The following PDE1C variants were observed in gnomAD, a reference collection of about 807,000 sequenced individuals.
PDE1C encodes the protein dual specificity calcium/calmodulin-dependent 3',5'-cyclic nucleotide phosphodiesterase 1C.
PDE1C carries 62 observed loss-of-function variants against 93.1 expected under a neutral mutation model. That is an observed-to-expected ratio of 0.67 (90% CI 0.54 to 0.82). The LOEUF (loss-of-function observed/expected upper bound fraction) is 0.82. Among genes scored for constraint, PDE1C ranks in the 40% least tolerant of loss-of-function variants. PDE1C has a pLI of 0.00. For synonymous variants in PDE1C, 325 were observed against 310.1 expected (o/e 1.05, Z -0.50); for missense variants, 742 against 884.6 (o/e 0.84, Z 2.04).
intron 2 of PDE1C, among the ~76,000 whole-genome samples, chr7:31,942,100 T>G (rs6462315): frequency 0.71 from 107,849 of 151,990 alleles, 38,462 homozygotes; most frequent in Admixed American, 0.75. Context: ...TTTTCTTTTT[T>G]CATTCGCCTC....
the PDE1C span, among the ~76,000 whole-genome samples, chr7:31,664,665 C>T: frequency 2.2e-3 from 342 of 152,260 alleles, 1 homozygote; most frequent in Admixed American, 4.1e-3. Flanking sequence ...CTTTTGCCAA[C>T]GGCACAGAAC....
intron 2 of PDE1C, among the ~76,000 whole-genome samples, chr7:32,005,584 A>AAAAAAAAAT (rs1554461626): frequency 6.7e-6 from 1 of 149,030 alleles, no homozygotes; most frequent in African/African-American, 2.5e-5. Flanking sequence ...AAAAAAAAGA[A>AAAAAAAAAT]TTGTGATCTG....
intron 2 of PDE1C, among the ~76,000 whole-genome samples, chr7:31,970,446 CA>C (rs1169493571): frequency 6.6e-6 from 1 of 152,132 alleles, no homozygotes; most frequent in African/African-American, 2.4e-5. Context: ...CTCAAAGTTT[CA>C]ATAGCATGTG....
At chr7:32,234,581 C>A (rs1170948648) in intron 1 of PDE1C, among the ~76,000 whole-genome samples, 1 of 151,930 alleles carries the variant, frequency 6.6e-6, no homozygotes, top group Non-Finnish European at 1.5e-5. Flanking sequence ...AAATAGGTAA[C>A]ATAAATTATT....
chr7:31,667,232 G>C, the PDE1C span, among the ~76,000 whole-genome samples: 2 of 152,112 alleles, frequency 1.3e-5, no homozygotes, highest in Non-Finnish European at 2.9e-5. Context: ...GATTGACTAG[G>C]TTCAGGCCCA....
chr7:32,160,836 A>G (rs943965873), intron 3 of PDE1C, among the ~76,000 whole-genome samples: 1 of 152,030 alleles, frequency 6.6e-6, no homozygotes, highest in Non-Finnish European at 1.5e-5. Context: ...ACAGGAAAGA[A>G]AAGAGAGAGA....
At chr7:31,642,997 C>T in the PDE1C span, 9 of 1,614,020 alleles carry the variant, frequency 5.6e-6, no homozygotes, top group Non-Finnish European at 7.6e-6. Flanking sequence ...TCTGTGGCAG[C>T]TTCTGCCAAT....
At chr7:31,636,063 C>G in the PDE1C span, among the ~76,000 whole-genome samples, 1 of 152,270 alleles carries the variant, frequency 6.6e-6, no homozygotes, top group East Asian at 1.9e-4. Flanking sequence ...AGAATGAGAG[C>G]TAGCAGGGGA....
chr7:31,852,702 C>T lies in PDE1C; in HGVS notation c.751-1961G>A, dbSNP rs115491431. The stretch of plus-strand genomic sequence containing the variant: ...ACAGCCAGTCATCTGACAAGCCACA[C>T]ACCACGCCTGCAGAATTCTCACTCA... On this transcript the variant is annotated intron_variant, in intron 7 of 17. Coordinates refer to ENST00000396191, the MANE Select transcript of PDE1C (RefSeq NM_001191057.4). Among the ~76,000 whole-genome samples the T allele has an allele frequency of 4.1e-3, 630 of 152,290 alleles. 4 individuals carry two copies. The highest frequency in any genetic ancestry group is 0.014 in the African/African-American group (583 of 41,550).
chr7:32,330,988 G>A (rs1783501937), intron 1 of PDE1C, among the ~76,000 whole-genome samples: 1 of 152,234 alleles, frequency 6.6e-6, no homozygotes, highest in East Asian at 1.9e-4. Flanking sequence ...TGGACTAGAA[G>A]TCAAAGCACT....
intron 3 of PDE1C, among the ~76,000 whole-genome samples, chr7:32,076,832 C>T (rs1796384579): frequency 6.6e-6 from 1 of 151,712 alleles, no homozygotes; most frequent in Non-Finnish European, 1.5e-5. Flanking sequence ...ATGTACCCCA[C>T]CAATTTTTTT....
the PDE1C span, among the ~76,000 whole-genome samples, chr7:31,705,986 ATTTTTTTTTTTTTTTTTTTTTTTT>A: frequency 5.7e-5 from 3 of 52,486 alleles, no homozygotes; most frequent in East Asian, 1.7e-3. Context: ...CAGACCAGTA[ATTTTTTTTTTTTTTTTTTTTTTTT>A]TTTTTTTTTT....
At chr7:32,106,114 C>T (rs746887153) in intron 3 of PDE1C, among the ~76,000 whole-genome samples, 9 of 152,122 alleles carry the variant, frequency 5.9e-5, no homozygotes, top group African/African-American at 1.4e-4. Context: ...TGGGCTCAAA[C>T]GATCCTCCTG....
chr7:31,741,705 A>G, the PDE1C span, among the ~76,000 whole-genome samples: 1 of 152,200 alleles, frequency 6.6e-6, no homozygotes, highest in Non-Finnish European at 1.5e-5. Context: ...AGTTACAGAC[A>G]TATTCTCCCA....
chr7:32,129,196 T>G (rs901914841), intron 3 of PDE1C, among the ~76,000 whole-genome samples: 1 of 151,130 alleles, frequency 6.6e-6, no homozygotes, highest in African/African-American at 2.4e-5. Flanking sequence ...TTGGTTGTAC[T>G]AGAGTAAAAA....
At chr7:32,028,369 T>C (rs1789776664) in intron 2 of PDE1C, among the ~76,000 whole-genome samples, 1 of 152,130 alleles carries the variant, frequency 6.6e-6, no homozygotes, top group South Asian at 2.1e-4. Flanking sequence ...TATGCTTCAT[T>C]ATTCCTACTA....
intron 2 of PDE1C, among the ~76,000 whole-genome samples, chr7:32,194,788 A>G (rs1804498564): frequency 6.6e-6 from 1 of 152,178 alleles, no homozygotes; most frequent in Admixed American, 6.5e-5. Flanking sequence ...TTGATATGTC[A>G]GGGCTTACAT....
At chr7:31,995,710 C>T (rs1320397497) in intron 2 of PDE1C, among the ~76,000 whole-genome samples, 3 of 152,244 alleles carry the variant, frequency 2.0e-5, no homozygotes, top group East Asian at 1.9e-4. Flanking sequence ...AAGAGTTTTA[C>T]AGCTACACAG....
At chr7:32,122,178 T>G (rs546456301) in intron 3 of PDE1C, among the ~76,000 whole-genome samples, 1 of 152,236 alleles carries the variant, frequency 6.6e-6, no homozygotes, top group Non-Finnish European at 1.5e-5. Flanking sequence ...CTAACTATCC[T>G]ACATATATAT....
Sources: gnomAD v4.1 joint callset for allele counts (sites outside exome capture counted in the v4.1 genomes callset) on GRCh38, gnomAD v4.1.1 for gene constraint, MANE v1.5 for transcripts, NCBI Gene and HGNC (gene_info 2026-07-23, HGNC 2026-07-21) for gene names.